The following HGF variants were observed in gnomAD, a reference collection of about 807,000 sequenced individuals.
HGF encodes the protein hepatocyte growth factor, also known as fibroblast-derived tumor cytotoxic factor.
HGF carries 39 observed loss-of-function variants against 111.6 expected under a neutral mutation model. The ratio of observed to expected loss-of-function variants is 0.35; its 90% CI spans 0.27 to 0.46. HGF has a LOEUF of 0.46. Among genes scored for constraint, HGF ranks in the 20% least tolerant of loss-of-function variants. HGF has a pLI of 1.00. For synonymous variants in HGF, 285 were observed against 294.8 expected (o/e 0.97, Z 0.34); for missense variants, 735 against 910.5 (o/e 0.81, Z 2.48).
chr7:81,739,138 A>G (rs79912917), intron 7 of HGF, among the ~76,000 whole-genome samples: 4,156 of 152,144 alleles, frequency 0.027, 223 homozygotes, highest in African/African-American at 0.096. Context: ...ATAATTTTAA[A>G]ATATTTTAGG....
At chr7:81,708,524 C>CCTTT (rs1789487806) in intron 13 of HGF, among the ~76,000 whole-genome samples, 2 of 72,470 alleles carry the variant, frequency 2.8e-5, no homozygotes, top group Non-Finnish European at 4.8e-5. Context: ...TTCCTTCCTT[C>CCTTT]TTTTTTTTTT....
chr7:81,723,744 G>A (rs7794218), intron 9 of HGF, among the ~76,000 whole-genome samples: 8,780 of 150,238 alleles, frequency 0.058, 843 homozygotes, highest in African/African-American at 0.2. Flanking sequence ...ACTATATGTA[G>A]AACTTATATT....
At chr7:81,721,116 G>A (rs989037299) in intron 9 of HGF, among the ~76,000 whole-genome samples, 3 of 152,100 alleles carry the variant, frequency 2.0e-5, no homozygotes, top group Admixed American at 1.3e-4. Flanking sequence ...GCGTGGTGGT[G>A]GGCGCCTGTA....
chr7:81,769,718 G>C (rs552610594), intron 1 of HGF, among the ~76,000 whole-genome samples, 166 bp downstream of exon 1: 1 of 151,414 alleles, frequency 6.6e-6, no homozygotes, highest in Non-Finnish European at 1.5e-5. Flanking sequence ...CAACAAAAAA[G>C]AATGTCAAAA....
chr7:81,725,145 T>C (rs1006056087), intron 9 of HGF, among the ~76,000 whole-genome samples: 11 of 152,326 alleles, frequency 7.2e-5, no homozygotes, highest in African/African-American at 2.2e-4. Context: ...CTTAGTCAGA[T>C]TGTGTAATTT....
chr7:81,760,032 T>C (rs1177115385), intron 2 of HGF, among the ~76,000 whole-genome samples: 2 of 152,198 alleles, frequency 1.3e-5, no homozygotes, highest in Non-Finnish European at 2.9e-5. Context: ...ATTCACTCTT[T>C]CTCTCGTTCC....
At chr7:81,734,703 A>G (rs1336967400) in intron 7 of HGF, among the ~76,000 whole-genome samples, 1 of 152,126 alleles carries the variant, frequency 6.6e-6, no homozygotes, top group African/African-American at 2.4e-5. Flanking sequence ...CAGGGCCCTG[A>G]TAGAGGTCTG....
intron 7 of HGF, among the ~76,000 whole-genome samples, chr7:81,733,841 T>A (rs1787742096): frequency 6.6e-6 from 1 of 152,110 alleles, no homozygotes; most frequent in African/African-American, 2.4e-5. Flanking sequence ...CTCACATACT[T>A]ACTATTCAAA....
chr7:81,715,203 A>AAATAACTTGTTTAC (rs1417369613), intron 11 of HGF, among the ~76,000 whole-genome samples: 1 of 152,054 alleles, frequency 6.6e-6, no homozygotes, highest in Non-Finnish European at 1.5e-5. Context: ...AGAGGAAGCA[A>AAATAACTTGTTTAC]AATAACTTGT....
At chr7:81,736,844 C>A in intron 7 of HGF, 1 of 430,260 alleles carries the variant, frequency 2.3e-6, no homozygotes, top group Non-Finnish European at 4.6e-6. Flanking sequence ...TTTGTCATTG[C>A]CCTAAGATCA....
intron 4 of HGF, among the ~76,000 whole-genome samples, chr7:81,753,521 C>T (rs902509914): frequency 6.6e-6 from 1 of 151,922 alleles, no homozygotes; most frequent in Non-Finnish European, 1.5e-5. Context: ...TTCTAATAAA[C>T]CATCATTTTT....
intron 7 of HGF, among the ~76,000 whole-genome samples, chr7:81,741,981 A>G (rs1315259995): frequency 2.6e-5 from 4 of 151,286 alleles, no homozygotes; most frequent in South Asian, 2.1e-4. Flanking sequence ...AACCACACAT[A>G]CATACACACA....
At chr7:81,723,206 A>G (rs896605025) in intron 9 of HGF, among the ~76,000 whole-genome samples, 1 of 152,152 alleles carries the variant, frequency 6.6e-6, no homozygotes, top group Non-Finnish European at 1.5e-5. Context: ...CAAGAAACTA[A>G]TGAAATTGTC....
At chr7:81,749,414 A>T (rs988849241) in intron 5 of HGF, among the ~76,000 whole-genome samples, 3 of 152,116 alleles carry the variant, frequency 2.0e-5, no homozygotes, top group Admixed American at 2.0e-4. Flanking sequence ...TGAATCAAGC[A>T]CTAATTATTT....
Position 81,701,421 on chromosome 7 carries a change from T to C in HGF, c.*1160A>G, listed in dbSNP as rs566188748. The C allele has an allele frequency of 3.3e-5, 5 of 151,682 alleles. No individual in the cohort carries two copies. Among genetic ancestry groups the C allele is most frequent in the Admixed American group, 6.6e-5 (1 of 15,152 alleles). 9.4% of individuals were successfully genotyped at this position (151,682 alleles called of 1,614,324 possible). ...TTTTATTTTTTTCTCCAATATATAC[T>C]TTAATGCATGACTTGATGAAGGGTA... On this transcript the variant is annotated 3_prime_UTR_variant, in exon 18 of 18. Coordinates refer to ENST00000222390, the MANE Select transcript of HGF (RefSeq NM_000601.6).
Position 81,705,464 on chromosome 7 carries a change from G to T in HGF, c.1936C>A (p.His646Asn). The T allele has an allele frequency of 6.2e-7, 1 of 1,612,704 alleles. No homozygotes were observed. The highest frequency in any genetic ancestry group is 8.5e-7 in the Non-Finnish European group (1 of 1,179,032). ...IMGNEKCSQH[H>N]RGKVTLNESE... ...TCATTCAGAGTCACCTTCCCTCGATGATGCTGGCTGCATTTCTCATTTCCC... is the reference window on the plus strand; with the variant it reads ...TCATTCAGAGTCACCTTCCCTCGATTATGCTGGCTGCATTTCTCATTTCCC... Residue 646 changes from histidine to asparagine, a missense_variant, in exon 17 of 18, where the codon CAT (histidine) becomes AAT (asparagine). His to Asn is a moderately conservative substitution (Grantham distance 68). Transcript: ENST00000222390.
At chr7:81,712,265 C>T (rs1380051328) in intron 11 of HGF, among the ~76,000 whole-genome samples, 1 of 152,026 alleles carries the variant, frequency 6.6e-6, no homozygotes, top group Admixed American at 6.6e-5. Flanking sequence ...CCATTTGCTT[C>T]TGTAATTTGA....
intron 4 of HGF, chr7:81,756,108 G>A: frequency 1.4e-6 from 1 of 698,614 alleles, no homozygotes; most frequent in Non-Finnish European, 2.6e-6. Flanking sequence ...CCGGCCAAAT[G>A]TGTCATGCCC....
intron 4 of HGF, chr7:81,756,723 T>A (rs890924460): frequency 5.9e-6 from 1 of 169,890 alleles, no homozygotes; most frequent in Admixed American, 5.7e-5. Context: ...TTAATTGTTC[T>A]GTGTTGTCAT....
Sources: allele counts gnomAD v4.1 joint callset (sites outside exome capture counted in the v4.1 genomes callset), GRCh38; gene constraint gnomAD v4.1.1; transcripts MANE v1.5; gene names NCBI Gene and HGNC (gene_info 2026-07-23, HGNC 2026-07-21).